Variants in CUBN observed in about 807,000 individuals in gnomAD.
CUBN encodes cubilin, also known as 460 kDa receptor.
CUBN carries 282 observed loss-of-function variants against 405.3 expected under a neutral mutation model. The observed-to-expected ratio is 0.70, with a 90% confidence interval of 0.63 to 0.77. CUBN has a LOEUF of 0.77. Among genes scored for constraint, CUBN ranks in the 30% least tolerant of loss-of-function variants. The probability of loss-of-function intolerance (pLI) is 0.00; values close to 1 mark genes in which losing one functional copy is unlikely to be tolerated. For missense variants in CUBN, 4,514 were observed against 4,475.2 expected (o/e 1.01, Z -0.25); for synonymous variants, 1,684 against 1,617.0 (o/e 1.04, Z -0.99).
chr10:17,103,040 G>A, intron 13 of CUBN, 85 bp downstream of exon 13: 1 of 812,064 alleles, frequency 1.2e-6, no homozygotes. Context: ...ATCATTGCAT[G>A]TATTTTATGT....
chr10:17,090,768 T>C (rs1049613445), intron 14 of CUBN, among the ~76,000 whole-genome samples: 1 of 151,296 alleles, frequency 6.6e-6, no homozygotes, highest in Non-Finnish European at 1.5e-5. Flanking sequence ...AAATAATATG[T>C]TCATGTCATT....
intron 54 of CUBN, 36 bp downstream of exon 54, chr10:16,898,960 C>A: frequency 6.6e-7 from 1 of 1,504,252 alleles, no homozygotes; most frequent in South Asian, 1.1e-5. Context: ...TTCACAAAAC[C>A]AACTTGGCTC....
At chr10:16,901,188 T>G in intron 52 of CUBN, 150 bp downstream of exon 52, 6 of 1,123,120 alleles carry the variant, frequency 5.3e-6, no homozygotes, top group Non-Finnish European at 8.0e-6. Flanking sequence ...TGTGCTCTAG[T>G]GAGAAAATGT....
intron 59 of CUBN, among the ~76,000 whole-genome samples, chr10:16,858,182 A>T (rs1839913455): frequency 1.3e-5 from 2 of 152,216 alleles, no homozygotes. Flanking sequence ...AGATACATAT[A>T]TGTTCATGGA....
At chr10:17,041,323 G>T in intron 26 of CUBN, 103 bp from the exon 27 acceptor site, 1 of 870,052 alleles carries the variant, frequency 1.1e-6, no homozygotes, top group Non-Finnish European at 1.9e-6. Flanking sequence ...ATCTGTGTAT[G>T]TACACACACA....
chr10:16,836,174 T>C (rs1330910399), intron 63 of CUBN, 61 bp downstream of exon 63: 4 of 1,458,188 alleles, frequency 2.7e-6, no homozygotes, highest in East Asian at 4.5e-5. Flanking sequence ...TTGTAATTAT[T>C]CTACGAATAA....
At chr10:17,018,816 G>A (rs1834416523) in intron 28 of CUBN, among the ~76,000 whole-genome samples, 1 of 152,154 alleles carries the variant, frequency 6.6e-6, no homozygotes, top group African/African-American at 2.4e-5. Flanking sequence ...GCTAGACACA[G>A]AGCGCTGATT....
chr10:17,105,784 C>G (rs1250239186), intron 10 of CUBN, among the ~76,000 whole-genome samples: 1 of 152,142 alleles, frequency 6.6e-6, no homozygotes, highest in East Asian at 1.9e-4. Context: ...CATTAAATGC[C>G]TTCCACACAT....
rs112227291 is a variant in CUBN at position 16,900,663 on chromosome 10, C to A, written c.8372G>T (p.Gly2791Val). 2 of 1,614,152 alleles carry A rather than the reference C, an allele frequency of 1.2e-6. No homozygotes were observed. The highest frequency in any genetic ancestry group is 4.5e-5 in the East Asian group (2 of 44,882). Residue 2791 changes from glycine (G) to valine (V), a missense_variant, in exon 53 of 67, where the codon GGT becomes GTT. Physicochemically the swap from Gly to Val is moderately radical, Grantham distance 109. This residue lies in a region of CUBN where 1,186 missense variants were observed against 1,186.9 expected (regional missense o/e 1.00). Transcript: ENST00000377833. ...VTFNSDHSLQ[G>V]GGFYATWNTQ... ...GTTCCACGTAGCATAAAATCCACCA[C>A]CTTGCAATGAATGGTCTGAGTTAAA...
At chr10:17,030,961 T>A (rs543815143) in intron 27 of CUBN, among the ~76,000 whole-genome samples, 1 of 152,194 alleles carries the variant, frequency 6.6e-6, no homozygotes, top group South Asian at 2.1e-4. Flanking sequence ...AACTCCAGGA[T>A]ACAGAAAGTC....
At chr10:16,945,266 G>A (rs1461464099) in intron 36 of CUBN, among the ~76,000 whole-genome samples, 1 of 152,068 alleles carries the variant, frequency 6.6e-6, no homozygotes, top group Non-Finnish European at 1.5e-5. Flanking sequence ...GAAGGGCTTT[G>A]GATTTTATTC....
chr10:16,997,714 C>T (rs1459494728), intron 28 of CUBN, among the ~76,000 whole-genome samples: 1 of 152,128 alleles, frequency 6.6e-6, no homozygotes, highest in East Asian at 1.9e-4. Context: ...ATATGTGCTC[C>T]TTAAAATGGC....
rs1244470621 is a variant in CUBN, at chr10:16,901,430, C to T, written c.8092G>A (p.Gly2698Arg). The change falls in exon 52 of 67, where the codon GGA (glycine) becomes AGA (arginine). Residue 2698 changes from glycine to arginine, a missense_variant. Coordinates refer to ENST00000377833, the MANE Select transcript of CUBN (RefSeq NM_001081.4). ...DCGGIQIGDS[G>R]VITSPNYPNA... ...GGATAGTTGGGGCTTGTGATCACTCCACTGTCACCTATCTGTATTCCGCCA... is the reference window on the plus strand; with the variant it reads ...GGATAGTTGGGGCTTGTGATCACTCTACTGTCACCTATCTGTATTCCGCCA... The T allele has an allele frequency of 1.2e-6, 2 of 1,614,118 alleles. No individual in the cohort carries two copies. The highest frequency in any genetic ancestry group is 1.7e-6 in the Non-Finnish European group (2 of 1,179,996).
intron 59 of CUBN, among the ~76,000 whole-genome samples, chr10:16,864,216 GC>G (rs1840098001): frequency 6.6e-6 from 1 of 152,172 alleles, no homozygotes; most frequent in Non-Finnish European, 1.5e-5. Flanking sequence ...TCAGAATGTA[GC>G]TTTTGATTTC....
chr10:16,830,396 G>A (rs1838949315), intron 65 of CUBN, among the ~76,000 whole-genome samples: 1 of 151,994 alleles, frequency 6.6e-6, no homozygotes, highest in African/African-American at 2.4e-5. Flanking sequence ...AAGGTATTTT[G>A]GTATTTTGGG....
chr10:16,915,686 C>T, intron 46 of CUBN, 135 bp downstream of exon 46: 2 of 776,840 alleles, frequency 2.6e-6, no homozygotes, highest in Non-Finnish European at 4.4e-6. Flanking sequence ...CAGTACTGCC[C>T]AAAGCTCATT....
At position 16,915,912 on chromosome 10, in the gene CUBN, G is replaced by T. The variant is rs1366678299; in HGVS notation, c.7119C>A (p.His2373Gln). 1 of 1,614,050 alleles carries T rather than the reference G, an allele frequency of 6.2e-7. No homozygotes were observed. Among genetic ancestry groups the T allele is most frequent in the African/African-American group, 1.3e-5 (1 of 74,940 alleles). The stretch of plus-strand genomic sequence containing the variant: ...AGTCTTCAAAAGAGATGGTGAGATA[G>T]TGTCCAGAGAGCCCCTGGAGATGCC... ...CEWHLQGLSG[H>Q]YLTISFEDFN... is the part of the protein sequence containing the mutation. Residue 2373 changes from histidine (H) to glutamine (Q), a missense_variant, in exon 46 of 67, where the codon CAC becomes CAA. His to Gln is a conservative substitution (Grantham distance 24). Coordinates refer to ENST00000377833, the MANE Select transcript of CUBN (RefSeq NM_001081.4).
At chr10:16,989,818 G>A (rs576334568) in intron 29 of CUBN, among the ~76,000 whole-genome samples, 3 of 152,278 alleles carry the variant, frequency 2.0e-5, no homozygotes, top group East Asian at 1.9e-4. Context: ...GAAGAGCAGC[G>A]GCAGCCCTGG....
intron 17 of CUBN, among the ~76,000 whole-genome samples, chr10:17,078,209 G>A (rs187487087): frequency 5.3e-5 from 8 of 152,142 alleles, no homozygotes; most frequent in African/African-American, 7.2e-5. Context: ...TCTTTATCTC[G>A]GTCTACAAGA....
Sources: gnomAD v4.1 joint callset for allele counts (sites outside exome capture counted in the v4.1 genomes callset) on GRCh38, gnomAD v4.1.1 for gene constraint, gnomAD v4.1.1 regional missense constraint, MANE v1.5 for transcripts, NCBI Gene and HGNC (gene_info 2026-07-23, HGNC 2026-07-21) for gene names.